The following AKAP6 variants were observed in gnomAD, a reference collection of about 807,000 sequenced individuals.
AKAP6 encodes the protein A-kinase anchoring protein 6.
AKAP6 carries 58 observed loss-of-function variants against 188.5 expected under a neutral mutation model. The observed-to-expected ratio is 0.31, with a 90% CI of 0.25 to 0.38. The LOEUF (loss-of-function observed/expected upper bound fraction) is 0.38. AKAP6 is among the 10% of genes least tolerant of loss of function. The probability of loss-of-function intolerance (pLI) is 1.00; values close to 1 mark genes in which losing one functional copy is unlikely to be tolerated. For synonymous variants in AKAP6, 989 were observed against 998.6 expected (o/e 0.99, Z 0.18); for missense variants, 2,710 against 2,740.0 (o/e 0.99, Z 0.24).
Position 32,822,931 on chromosome 14 carries a change from A to C in AKAP6, c.5118A>C (p.Leu1706Phe). The C allele has an allele frequency of 2.5e-6, 4 of 1,613,930 alleles. No individual in the cohort carries two copies. The highest frequency in any genetic ancestry group is 1.3e-5 in the African/African-American group (1 of 75,012). ...ELSLCSEDIV[L>F]HKNKIPESNA... ...CTCTTTGCTCAGAGGATATTGTGTT[A>C]CACAAGAACAAGATCCCGGAATCGA... Residue 1706 changes from leucine (L) to phenylalanine (F), a missense_variant, in exon 13 of 14, where the codon TTA (leucine) becomes TTC (phenylalanine). Leu to Phe is a conservative substitution (Grantham distance 22). Transcript: ENST00000280979.
chr14:32,780,753 A>T (rs1430211681), intron 12 of AKAP6, among the ~76,000 whole-genome samples: 2 of 152,048 alleles, frequency 1.3e-5, no homozygotes, highest in African/African-American at 4.8e-5. Flanking sequence ...ATATATCGAG[A>T]CTCCATATCT....
chr14:32,553,929 C>A (rs1002295265), intron 4 of AKAP6, among the ~76,000 whole-genome samples: 1 of 152,096 alleles, frequency 6.6e-6, no homozygotes, highest in African/African-American at 2.4e-5. Flanking sequence ...AAATTCAAAG[C>A]CAGAAGCGAA....
chr14:32,681,367 GCAA>G (rs1889668566), intron 8 of AKAP6, among the ~76,000 whole-genome samples: 2 of 152,138 alleles, frequency 1.3e-5, no homozygotes, highest in Non-Finnish European at 2.9e-5. Context: ...GAACTGAGAG[GCAA>G]AGATAGAAAG....
Position 32,823,606 on chromosome 14 carries a change from G to A in AKAP6, c.5793G>A (p.Glu1931=), listed in dbSNP as rs754576741. The A allele has an allele frequency of 3.1e-6, 5 of 1,613,870 alleles. No individual in the cohort carries two copies. The South Asian group carries it at 4.4e-5, about 14-fold the overall frequency. ...ATGGGAAAGAGATTTCAGAGAGTGA[G>A]CATTGTAAGTGTAAAGCACTTATGG... ...GSHGKEISES[E]HCKCKALMDS... Residue 1931 remains glutamate (E), a synonymous_variant, in exon 13 of 14, where the codon GAG becomes GAA. Transcript: ENST00000280979.
At chr14:32,573,605 C>T (rs8017249) in intron 4 of AKAP6, among the ~76,000 whole-genome samples, 19,626 of 152,164 alleles carry the variant, frequency 0.13, 2,581 homozygotes, top group African/African-American at 0.34. Flanking sequence ...TTTGTATTTT[C>T]AGCAATGTCT....
chr14:32,490,107 A>C (rs1161399417), intron 2 of AKAP6, among the ~76,000 whole-genome samples: 1 of 150,324 alleles, frequency 6.7e-6, no homozygotes, highest in African/African-American at 2.5e-5. Flanking sequence ...GAACCTTCTT[A>C]AGGGTGAGGG....
At chr14:32,757,678 G>T (rs550648135) in intron 11 of AKAP6, among the ~76,000 whole-genome samples, 91 of 152,334 alleles carry the variant, frequency 6.0e-4, no homozygotes, top group African/African-American at 2.0e-3. Context: ...GGTGGATACT[G>T]TGGTGAGCCA....
chr14:32,587,744 A>G (rs1351835221), intron 5 of AKAP6, among the ~76,000 whole-genome samples: 3 of 152,212 alleles, frequency 2.0e-5, no homozygotes, highest in Non-Finnish European at 2.9e-5. Context: ...AGGCTATAGC[A>G]CAGGACAGCC....
intron 7 of AKAP6, among the ~76,000 whole-genome samples, chr14:32,649,152 C>CT (rs1888105706): frequency 6.6e-6 from 1 of 152,012 alleles, no homozygotes; most frequent in African/African-American, 2.4e-5. Flanking sequence ...TTCCTAAAAC[C>CT]TTTTTTTCAT....
intron 1 of AKAP6, among the ~76,000 whole-genome samples, chr14:32,419,572 TAA>T (rs778340333): frequency 4.1e-4 from 63 of 152,124 alleles, no homozygotes; most frequent in Non-Finnish European, 7.2e-4. Context: ...TCTTAAAAAA[TAA>T]AAGTTATTCA....
intron 1 of AKAP6, among the ~76,000 whole-genome samples, chr14:32,385,566 C>T (rs1342440835): frequency 1.3e-5 from 2 of 151,724 alleles, no homozygotes; most frequent in Middle Eastern, 3.2e-3. Context: ...CCCCTTCCCA[C>T]CCTTTCCCCC....
chr14:32,329,700 T>G (rs1245793251), intron 1 of AKAP6, among the ~76,000 whole-genome samples: 2 of 152,142 alleles, frequency 1.3e-5, no homozygotes, highest in Non-Finnish European at 2.9e-5. Flanking sequence ...AAACCCCAGA[T>G]AAGCTTTAAA....
intron 5 of AKAP6, among the ~76,000 whole-genome samples, chr14:32,580,613 T>A (rs1884919217): frequency 6.6e-6 from 1 of 152,224 alleles, no homozygotes. Flanking sequence ...GCAGGTTAGT[T>A]ACCTATGTAT....
At chr14:32,795,530 G>C (rs963040232) in intron 12 of AKAP6, among the ~76,000 whole-genome samples, 3 of 151,868 alleles carry the variant, frequency 2.0e-5, no homozygotes, top group Non-Finnish European at 4.4e-5. Context: ...CAGAACTAAA[G>C]ACAAAAATCT....
chr14:32,745,973 C>T (rs534892599), intron 11 of AKAP6, among the ~76,000 whole-genome samples: 142 of 152,246 alleles, frequency 9.3e-4, no homozygotes, highest in African/African-American at 3.2e-3. Flanking sequence ...GAGAGTACTG[C>T]CAGACTACCA....
At chr14:32,523,427 A>G (rs969152662) in intron 2 of AKAP6, among the ~76,000 whole-genome samples, 1 of 152,040 alleles carries the variant, frequency 6.6e-6, no homozygotes, top group Admixed American at 6.6e-5. Context: ...ATCACCAACT[A>G]TCGAAAAAAG....
chr14:32,583,191 T>C (rs1885061072), intron 5 of AKAP6, among the ~76,000 whole-genome samples: 1 of 152,198 alleles, frequency 6.6e-6, no homozygotes, highest in African/African-American at 2.4e-5. Context: ...TTCTGTTTGT[T>C]AGTTTTCCTT....
chr14:32,806,651 C>T (rs72669857), intron 12 of AKAP6, among the ~76,000 whole-genome samples: 11,628 of 150,344 alleles, frequency 0.077, 486 homozygotes, highest in South Asian at 0.15. Context: ...CACTCCAGCC[C>T]GGGCAGCAGA....
intron 1 of AKAP6, among the ~76,000 whole-genome samples, chr14:32,386,476 T>G (rs1258369238): frequency 6.6e-6 from 1 of 152,118 alleles, no homozygotes; most frequent in Admixed American, 6.6e-5. Flanking sequence ...TACTGATTTG[T>G]TAGAGTTCAT....
Sources: gnomAD v4.1 joint callset for allele counts (sites outside exome capture counted in the v4.1 genomes callset) on GRCh38, gnomAD v4.1.1 for gene constraint, MANE v1.5 for transcripts, NCBI Gene and HGNC (gene_info 2026-07-23, HGNC 2026-07-21) for gene names.